The following IL20RB variants were observed in gnomAD, a reference collection of about 807,000 sequenced individuals.
The protein encoded by IL20RB is interleukin-20 receptor subunit beta.
A neutral mutation model predicts 33.3 loss-of-function variants in IL20RB; 21 were observed. The observed-to-expected ratio is 0.63, with a 90% confidence interval of 0.45 to 0.91. The LOEUF is 0.91. Ranked by LOEUF, IL20RB falls within the 40% of genes least tolerant of loss-of-function variation. The probability of loss-of-function intolerance (pLI) is 0.00; values close to 1 mark genes in which losing one functional copy is unlikely to be tolerated. For missense variants in IL20RB, 345 were observed against 384.8 expected, an observed-to-expected ratio of 0.90 and a Z score of 0.86; for synonymous variants, 147 against 146.8, an observed-to-expected ratio of 1.00 and a Z score of -0.01.
intron 1 of IL20RB, among the ~76,000 whole-genome samples, chr3:136,969,693 G>A (rs1941421010): frequency 1.3e-5 from 2 of 152,138 alleles, no homozygotes; most frequent in Admixed American, 6.6e-5. Context: ...GACCGGAGCT[G>A]TTCACCAGAG....
intron 1 of IL20RB, among the ~76,000 whole-genome samples, chr3:136,978,930 A>C (rs904614240): frequency 2.6e-5 from 4 of 152,194 alleles, no homozygotes; most frequent in Non-Finnish European, 5.9e-5. Flanking sequence ...CTTTAAAGTT[A>C]TATAATTAAA....
chr3:136,982,851 A>G (rs1003774991), intron 3 of IL20RB, among the ~76,000 whole-genome samples: 2 of 152,220 alleles, frequency 1.3e-5, no homozygotes, highest in Non-Finnish European at 2.9e-5. Flanking sequence ...TTGGAGTAGT[A>G]CCTGGAAAAG....
intron 1 of IL20RB, among the ~76,000 whole-genome samples, chr3:136,961,992 G>T (rs1018890303): frequency 3.3e-5 from 5 of 152,066 alleles, no homozygotes; most frequent in African/African-American, 4.8e-5. Context: ...AATAGTGTTG[G>T]ACTTTACAGA....
intron 4 of IL20RB, among the ~76,000 whole-genome samples, chr3:136,990,850 C>G (rs1669965878): frequency 6.6e-5 from 10 of 152,210 alleles, no homozygotes; most frequent in Admixed American, 6.5e-4. Flanking sequence ...TAGGCAAGAG[C>G]CCACGGTAGG....
intron 1 of IL20RB, among the ~76,000 whole-genome samples, chr3:136,963,736 A>T: frequency 8.6e-6 from 1 of 115,980 alleles, no homozygotes; most frequent in Admixed American, 9.4e-5. Flanking sequence ...GTACATGTGC[A>T]CATTGTGCAG....
intron 3 of IL20RB, among the ~76,000 whole-genome samples, chr3:136,985,745 C>A (rs143914432): frequency 1.4e-3 from 211 of 152,214 alleles, no homozygotes; most frequent in African/African-American, 4.8e-3. Context: ...GGGGCTCTTC[C>A]CCAGAGAGTC....
intron 1 of IL20RB, among the ~76,000 whole-genome samples, chr3:136,967,188 A>G (rs562889637): frequency 2.2e-4 from 34 of 151,458 alleles, no homozygotes; most frequent in African/African-American, 8.3e-4. Context: ...TTTGGGGTGG[A>G]GAGTTCTGTA....
In IL20RB at chr3:136,995,507, G is replaced by A. The variant is rs369963013; in HGVS notation, c.776G>A (p.Arg259Gln). The A allele has an allele frequency of 1.4e-5, 22 of 1,613,976 alleles. No homozygotes were observed. Among genetic ancestry groups the A allele is most frequent in the African/African-American group, 1.2e-4 (9 of 74,886 alleles). The change falls in exon 6 of 7, where the codon CGG becomes CAG. Residue 259 changes from arginine (R) to glutamine (Q), a missense_variant. Arg to Gln is a conservative substitution (Grantham distance 43). Transcript: ENST00000329582. ...VVPLFVWKMG[R>Q]LLQYSCCPVV... ...CCACTGTTCGTCTGGAAAATGGGCCGGCTGCTCCAGTACTCCTGTTGCCCC... is the reference window on the plus strand; with the variant it reads ...CCACTGTTCGTCTGGAAAATGGGCCAGCTGCTCCAGTACTCCTGTTGCCCC...
intron 1 of IL20RB, 71 bp downstream of exon 1, chr3:136,958,272 C>A: frequency 1.1e-6 from 1 of 897,974 alleles, no homozygotes; most frequent in South Asian, 1.4e-5. Flanking sequence ...AAAATACTTT[C>A]CCAGGGCCTG....
intron 6 of IL20RB, among the ~76,000 whole-genome samples, chr3:137,009,710 A>T (rs1210105788): frequency 6.6e-6 from 1 of 151,868 alleles, no homozygotes; most frequent in Admixed American, 6.6e-5. Flanking sequence ...TGGCTAGTTT[A>T]TTTTTTGTGG....
chr3:136,999,118 A>G (rs901158717), intron 6 of IL20RB, among the ~76,000 whole-genome samples: 2 of 151,686 alleles, frequency 1.3e-5, no homozygotes, highest in African/African-American at 4.8e-5. Flanking sequence ...TTTTTTAGAG[A>G]CAGGGTCTCA....
Position 137,010,271 on chromosome 3 carries a change from TGGAAACCATGAGG to T in IL20RB, c.*52_*64del, listed in dbSNP as rs753428026. 70 of 871,080 alleles carry T rather than the reference TGGAAACCATGAGG, an allele frequency of 8.0e-5. No homozygotes were observed. The African/African-American group carries it at 8.8e-4, about 11-fold the overall frequency. 54.0% of individuals were successfully genotyped at this position (871,080 alleles called of 1,614,324 possible). A position where few individuals can be genotyped will look rare whatever the true frequency, so the allele number is the denominator to read the frequency against. On this transcript the variant is annotated 3_prime_UTR_variant, in exon 7 of 7. Transcript: ENST00000329582. ...AGCCGAGAACCTGGTCTGCATGACA[TGGAAACCATGAGG>T]GGACAAGTTGTGTTTCTGTTTTCCG...
At chr3:136,967,345 G>A (rs1461418999) in intron 1 of IL20RB, among the ~76,000 whole-genome samples, 1 of 90,032 alleles carries the variant, frequency 1.1e-5, no homozygotes, top group Non-Finnish European at 2.1e-5. Context: ...CTCTTTGTAG[G>A]TCACTCAGGA....
In IL20RB at chr3:137,010,322, G is replaced by C; in HGVS notation, c.*99G>C. The C allele has an allele frequency of 1.4e-6, 1 of 707,288 alleles. No individual in the cohort carries two copies. Among genetic ancestry groups the C allele is most frequent in the Non-Finnish European group, 2.6e-6 (1 of 384,100 alleles). 43.8% of individuals were successfully genotyped at this position (707,288 alleles called of 1,614,324 possible). A position where few individuals can be genotyped will look rare whatever the true frequency, so the allele number is the denominator to read the frequency against. ...TTTCTGTTTTCCGCCACGGACAAGG[G>C]ATGAGAGAAGTAGGAAGAGCCTGTT... On this transcript the variant is annotated 3_prime_UTR_variant, in exon 7 of 7. Coordinates refer to ENST00000329582, the MANE Select transcript of IL20RB (RefSeq NM_144717.4).
intron 6 of IL20RB, among the ~76,000 whole-genome samples, chr3:137,005,708 G>C (rs1301932351): frequency 6.6e-6 from 1 of 152,090 alleles, no homozygotes; most frequent in Non-Finnish European, 1.5e-5. Flanking sequence ...GATGGGTCTT[G>C]ACTCTATCCA....
intron 1 of IL20RB, among the ~76,000 whole-genome samples, chr3:136,971,141 G>GT (rs912558598): frequency 4.0e-5 from 6 of 151,546 alleles, no homozygotes; most frequent in East Asian, 2.0e-4. Context: ...GTTTTGTTTT[G>GT]TTTTTTTGAG....
At position 136,994,592 on chromosome 3, in the gene IL20RB, G is replaced by A. The variant is rs142018367; in HGVS notation, c.683-822G>A. The stretch of plus-strand genomic sequence containing the variant: ...TGACTGGGCTACCCTTCACATTGCA[G>A]GTGAGTAGCCTGGCCCAGAGAGGCT... On this transcript the variant is annotated intron_variant, in intron 5 of 6. Transcript: ENST00000329582. Among the ~76,000 whole-genome samples, 5 of 152,268 alleles carry A rather than the reference G, an allele frequency of 3.3e-5. No homozygotes were observed. In the East Asian group the frequency reaches 9.7e-4, roughly 29 times the overall value.
Position 137,010,182 on chromosome 3 carries a change from G to A in IL20RB, c.895G>A (p.Val299Met), listed in dbSNP as rs778614431. Reference protein sequence around the residue: ...REEVDACATAVMSPEELLRAW... With the variant: ...REEVDACATAMMSPEELLRAW... ...GGAGGTGGATGCCTGTGCCACGGCTGTGATGTCTCCTGAGGAACTCCTCAG... is the reference window on the plus strand; with the variant it reads ...GGAGGTGGATGCCTGTGCCACGGCTATGATGTCTCCTGAGGAACTCCTCAG... The change falls in exon 7 of 7, where the codon GTG becomes ATG. Residue 299 changes from valine to methionine, a missense_variant. By Grantham distance (21) the Val-to-Met change is conservative. Coordinates refer to ENST00000329582, the MANE Select transcript of IL20RB (RefSeq NM_144717.4). 3.7e-6 allele frequency: 6 copies of A among 1,607,162 alleles called. No homozygotes were observed. The East Asian group carries it at 1.3e-4, about 36-fold the overall frequency.
At chr3:136,975,623 C>T (rs756563754) in intron 1 of IL20RB, among the ~76,000 whole-genome samples, 12 of 152,192 alleles carry the variant, frequency 7.9e-5, no homozygotes, top group African/African-American at 2.7e-4. Context: ...AGGCATGAGC[C>T]GCTGCACCTG....
Sources: gnomAD v4.1 joint callset for allele counts (sites outside exome capture counted in the v4.1 genomes callset) on GRCh38, gnomAD v4.1.1 for gene constraint, MANE v1.5 for transcripts, NCBI Gene and HGNC (gene_info 2026-07-23, HGNC 2026-07-21) for gene names.